Variants in DSE observed in about 807,000 individuals in gnomAD.
DSE encodes the protein dermatan-sulfate epimerase.
A neutral mutation model predicts 84.4 loss-of-function variants in DSE; 36 were observed. The ratio of observed to expected loss-of-function variants is 0.43; its 90% CI spans 0.33 to 0.56. The LOEUF is 0.56. Ranked by LOEUF, DSE falls within the 20% of genes least tolerant of loss-of-function variation. The pLI is 0.06. For missense variants in DSE, 862 were observed against 1,169.6 expected (o/e 0.74, Z 3.84); for synonymous variants, 410 against 430.1 (o/e 0.95, Z 0.58).
Position 116,341,850 on chromosome 6 carries a change from T to C in DSE, c.-53-57348T>C, listed in dbSNP as rs145131583. 3.5e-3 allele frequency among the ~76,000 whole-genome samples: 536 copies of C among 152,342 alleles called. 2 individuals carry two copies. The highest frequency in any genetic ancestry group is 0.012 in the African/African-American group (506 of 41,580). On this transcript the variant is annotated intron_variant, in intron 2 of 3. Coordinates refer to the DSE transcript ENST00000430252. Reference sequence around the variant, plus strand: ...GGCTTCTGCCTGTACCATTGGTCTATATATCTGTTTTGGTACCAGTACCAT... The same window carrying C: ...GGCTTCTGCCTGTACCATTGGTCTACATATCTGTTTTGGTACCAGTACCAT...
intron 2 of DSE, among the ~76,000 whole-genome samples, chr6:116,283,530 TTGTTGTTGTTGTTGTTGTTGTTG>T (rs968250829): frequency 1.3e-4 from 3 of 22,424 alleles, no homozygotes; most frequent in African/African-American, 3.4e-4. Flanking sequence ...AGATTCTTTG[TTGTTGTTGTTGTTGTTGTTGTTG>T]TTGTTGTTGT....
chr6:116,397,059 G>A (rs930672882), intron 1 of DSE, among the ~76,000 whole-genome samples: 11 of 152,116 alleles, frequency 7.2e-5, no homozygotes, highest in African/African-American at 2.7e-4. Context: ...CGTTGGGTGT[G>A]TGTATGGGGG....
At chr6:116,288,060 C>T (rs916150870) in intron 2 of DSE, 1 of 151,974 alleles carries the variant, frequency 6.6e-6, no homozygotes, top group Non-Finnish European at 1.5e-5. Flanking sequence ...TATGATGGCT[C>T]CAATACTCAA....
At chr6:116,257,766 C>T (rs1408359895) in intron 1 of DSE, among the ~76,000 whole-genome samples, 5 of 152,130 alleles carry the variant, frequency 3.3e-5, no homozygotes, top group African/African-American at 1.2e-4. Flanking sequence ...CATTAGGGCT[C>T]TAACCAGAGG....
chr6:116,285,908 GT>G (rs1291291857), intron 2 of DSE, among the ~76,000 whole-genome samples: 1 of 152,170 alleles, frequency 6.6e-6, no homozygotes, highest in Non-Finnish European at 1.5e-5. Context: ...GTACCATGCT[GT>G]TTTGGTTACT....
chr6:116,301,955 G>C (rs901155237), intron 2 of DSE, among the ~76,000 whole-genome samples: 1 of 152,194 alleles, frequency 6.6e-6, no homozygotes, highest in Non-Finnish European at 1.5e-5. Flanking sequence ...TCCCTGCAAA[G>C]GACATGAAGC....
intron 1 of DSE, chr6:116,256,830 T>C (rs1439439292): frequency 1.3e-5 from 2 of 152,234 alleles, no homozygotes; most frequent in African/African-American, 4.8e-5. Context: ...TTTTGCACAT[T>C]AGAATAATAT....
chr6:116,297,366 C>T (rs990188297), intron 2 of DSE, among the ~76,000 whole-genome samples: 1 of 152,116 alleles, frequency 6.6e-6, no homozygotes, highest in East Asian at 1.9e-4. Context: ...ACCTGCTCAT[C>T]CTCACACTTT....
chr6:116,433,582 A>G (rs1242141718), intron 5 of DSE, 32 bp downstream of exon 5: 15 of 1,580,356 alleles, frequency 9.5e-6, no homozygotes, highest in African/African-American at 1.3e-5. Context: ...TTAAAGAGAA[A>G]TGGTACCCAA....
intron 1 of DSE, among the ~76,000 whole-genome samples, chr6:116,391,020 T>C (rs908060222): frequency 6.6e-6 from 1 of 152,220 alleles, no homozygotes; most frequent in African/African-American, 2.4e-5. Flanking sequence ...TCAGGTGGTC[T>C]CTGGTGGATG....
intron 2 of DSE, among the ~76,000 whole-genome samples, chr6:116,303,746 C>T (rs1437837400): frequency 6.6e-6 from 1 of 152,058 alleles, no homozygotes; most frequent in African/African-American, 2.4e-5. Flanking sequence ...TAGCAAAAAC[C>T]ATATCCTGAA....
Position 116,426,826 on chromosome 6 carries a change from A to C in DSE, c.669A>C (p.Gln223His). The C allele has an allele frequency of 6.2e-7, 1 of 1,609,538 alleles. No individual in the cohort carries two copies. Among genetic ancestry groups the C allele is most frequent in the Non-Finnish European group, 8.5e-7 (1 of 1,176,714 alleles). ...CGGGAAGCCTAGTCCTGATGAATCA[A>C]GGTGGGTGTGGACACAGCCAAGGTG... ...LLTGSLVLMN[Q>H]GYLQEAYLWT... The change falls in exon 3 of 6, where the codon CAA (glutamine) becomes CAC (histidine). Residue 223 changes from glutamine (Q) to histidine (H), a missense_variant and splice_region_variant. Gln to His is a conservative substitution (Grantham distance 24, BLOSUM62 0). Coordinates refer to ENST00000644252, the MANE Select transcript of DSE (RefSeq NM_013352.4).
chr6:116,421,617 G>A (rs563159324), intron 2 of DSE, among the ~76,000 whole-genome samples: 1 of 151,108 alleles, frequency 6.6e-6, no homozygotes, highest in South Asian at 2.1e-4. Context: ...GACTTCAGGT[G>A]CATGCCACCA....
At chr6:116,307,350 A>G (rs1041658129) in intron 2 of DSE, among the ~76,000 whole-genome samples, 1 of 152,238 alleles carries the variant, frequency 6.6e-6, no homozygotes, top group Non-Finnish European at 1.5e-5. Flanking sequence ...TTTCTAGTCA[A>G]GCCGATGCAT....
chr6:116,311,398 A>G (rs1775687804), intron 2 of DSE, among the ~76,000 whole-genome samples: 2 of 152,238 alleles, frequency 1.3e-5, no homozygotes, highest in South Asian at 2.1e-4. Context: ...GAAATAAAGA[A>G]TAACACAAGG....
In DSE at chr6:116,441,746, T is replaced by C. The variant is rs1480826487; in HGVS notation, c.*4401T>C. On this transcript the variant is annotated 3_prime_UTR_variant, in exon 6 of 6. Coordinates refer to ENST00000644252, the MANE Select transcript of DSE (RefSeq NM_013352.4). ...GGTTTTAGGAAGGAACTGAAGGAAATTTATATATTGAGTGCAGTATGTTTA... is the reference window on the plus strand; with the variant it reads ...GGTTTTAGGAAGGAACTGAAGGAAACTTATATATTGAGTGCAGTATGTTTA... 1 of 152,176 alleles carries C rather than the reference T, an allele frequency of 6.6e-6. No homozygotes were observed. The highest frequency in any genetic ancestry group is 1.5e-5 in the Non-Finnish European group (1 of 68,034). 9.4% of individuals were successfully genotyped at this position (152,176 alleles called of 1,614,324 possible). A position where few individuals can be genotyped will look rare whatever the true frequency, so the allele number is the denominator to read the frequency against.
intron 2 of DSE, among the ~76,000 whole-genome samples, chr6:116,265,703 G>C (rs190520519): frequency 1.3e-4 from 20 of 152,234 alleles, no homozygotes; most frequent in African/African-American, 4.8e-4. Flanking sequence ...GGGGCCCCAG[G>C]AGAGGCCAGC....
At chr6:116,375,264 CAA>C (rs1779853766) in intron 1 of DSE, among the ~76,000 whole-genome samples, 1 of 152,214 alleles carries the variant, frequency 6.6e-6, no homozygotes, top group Non-Finnish European at 1.5e-5. Flanking sequence ...GTATGTTTCA[CAA>C]AGTCTTCTCA....
intron 2 of DSE, among the ~76,000 whole-genome samples, chr6:116,315,191 C>T (rs2114742417): frequency 6.6e-6 from 1 of 152,246 alleles, no homozygotes. Flanking sequence ...ACATTATGTG[C>T]CAGGCACTGC....
Sources: gnomAD v4.1 joint callset for allele counts (sites outside exome capture counted in the v4.1 genomes callset) on GRCh38, gnomAD v4.1.1 for gene constraint, MANE v1.5 for transcripts, NCBI Gene and HGNC (gene_info 2026-07-23, HGNC 2026-07-21) for gene names.